The following GFRA1 variants were observed in gnomAD, a reference collection of about 807,000 sequenced individuals.
The protein encoded by GFRA1 is GDNF family receptor alpha 1.
In GFRA1, 16 loss-of-function variants were observed where a neutral mutation model predicts 51.6. The observed-to-expected ratio is 0.31, with a 90% confidence interval of 0.21 to 0.47. The LOEUF is 0.47. GFRA1 is among the 20% of genes least tolerant of loss of function. GFRA1 has a pLI of 1.00. For synonymous variants in GFRA1, 270 were observed against 241.3 expected (o/e 1.12, Z -1.10); for missense variants, 530 against 594.3 (o/e 0.89, Z 1.13).
At chr10:116,188,352 G>A (rs1962925261) in intron 5 of GFRA1, among the ~76,000 whole-genome samples, 2 of 152,300 alleles carry the variant, frequency 1.3e-5, no homozygotes, top group African/African-American at 4.8e-5. Context: ...TAGTGGAACA[G>A]GCTGGACACA....
intron 4 of GFRA1, among the ~76,000 whole-genome samples, chr10:116,243,878 C>T (rs1967623823): frequency 1.3e-5 from 2 of 152,174 alleles, no homozygotes; most frequent in South Asian, 4.1e-4. Context: ...AGTATCTCTG[C>T]TCACTGGCCT....
chr10:116,158,139 C>T (rs1019965755), intron 5 of GFRA1, among the ~76,000 whole-genome samples: 1 of 152,172 alleles, frequency 6.6e-6, no homozygotes, highest in Non-Finnish European at 1.5e-5. Context: ...CAGATCACTT[C>T]CCCTCACCAG....
intron 5 of GFRA1, among the ~76,000 whole-genome samples, chr10:116,161,539 G>A (rs564210097): frequency 2.4e-3 from 358 of 152,310 alleles, no homozygotes; most frequent in African/African-American, 8.2e-3. Flanking sequence ...ACCTTGAATT[G>A]TAATAACCCC....
intron 5 of GFRA1, among the ~76,000 whole-genome samples, chr10:116,202,547 A>G (rs2134395136): frequency 6.6e-6 from 1 of 152,258 alleles, no homozygotes; most frequent in South Asian, 2.1e-4. Flanking sequence ...TTCATAAAGA[A>G]AAGACTTTCA....
In GFRA1 at chr10:116,060,366, T is replaced by G. The variant is rs1055779503; in HGVS notation, c.*4032A>C. 2.6e-5 allele frequency: 4 copies of G among 152,226 alleles called. No individual in the cohort carries two copies. Among genetic ancestry groups the G allele is most frequent in the African/African-American group, 9.6e-5 (4 of 41,452 alleles). The allele number at this position is 152,226 out of a possible 1,614,324, so 9.4% of individuals were successfully genotyped here. The stretch of plus-strand genomic sequence containing the variant: ...TCCTTCCTCTGTCGTTCGGATATTA[T>G]CAATAGCTCTGGCTTCCTGTCTCTA... On this transcript the variant is annotated 3_prime_UTR_variant, in exon 11 of 11. Transcript: ENST00000355422.
At chr10:116,082,176 G>C (rs1195559004) in intron 9 of GFRA1, among the ~76,000 whole-genome samples, 1 of 152,140 alleles carries the variant, frequency 6.6e-6, no homozygotes, top group Non-Finnish European at 1.5e-5. Flanking sequence ...GTGGCAGCTA[G>C]TTCCACTCTG....
intron 5 of GFRA1, among the ~76,000 whole-genome samples, chr10:116,210,146 T>C (rs1173642548): frequency 1.3e-5 from 2 of 152,284 alleles, no homozygotes; most frequent in African/African-American, 4.8e-5. Context: ...AAGGCAAACT[T>C]GACAGAGGCA....
intron 4 of GFRA1, among the ~76,000 whole-genome samples, chr10:116,220,136 T>A (rs945181909): frequency 2.0e-5 from 3 of 152,168 alleles, no homozygotes; most frequent in African/African-American, 7.2e-5. Context: ...TTCACATACA[T>A]CCACAAACAC....
chr10:116,233,802 A>AT (rs1354113398), intron 4 of GFRA1, among the ~76,000 whole-genome samples: 1 of 152,202 alleles, frequency 6.6e-6, no homozygotes, highest in Non-Finnish European at 1.5e-5. Flanking sequence ...AACACACTTG[A>AT]TGTTTCCCCC....
At chr10:116,137,157 C>CGAA (rs1292427384) in intron 5 of GFRA1, among the ~76,000 whole-genome samples, 17 of 152,106 alleles carry the variant, frequency 1.1e-4, no homozygotes, top group African/African-American at 3.9e-4. Flanking sequence ...GCTACAGGTC[C>CGAA]GAATGTCACT....
chr10:116,191,884 G>T (rs146708584), intron 5 of GFRA1, among the ~76,000 whole-genome samples: 3 of 151,998 alleles, frequency 2.0e-5, no homozygotes, highest in Non-Finnish European at 1.5e-5. Flanking sequence ...AAAATTAGCC[G>T]GGCGTGGTGG....
intron 5 of GFRA1, among the ~76,000 whole-genome samples, chr10:116,135,696 C>A (rs1958293993): frequency 6.6e-6 from 1 of 152,116 alleles, no homozygotes; most frequent in African/African-American, 2.4e-5. Flanking sequence ...TAATTGAGGT[C>A]AGATTTGTTT....
intron 9 of GFRA1, among the ~76,000 whole-genome samples, chr10:116,074,751 G>A (rs1955543378): frequency 1.3e-5 from 2 of 152,210 alleles, no homozygotes; most frequent in Admixed American, 1.3e-4. Flanking sequence ...GAGGAGGGAT[G>A]CTCTTGGTTG....
chr10:116,096,010 C>T (rs530745180), intron 7 of GFRA1, among the ~76,000 whole-genome samples: 40 of 152,206 alleles, frequency 2.6e-4, no homozygotes, highest in East Asian at 5.8e-4. Context: ...CTGACTCTCA[C>T]GGCAGTCATG....
At chr10:116,129,679 T>G (rs987609507) in intron 5 of GFRA1, among the ~76,000 whole-genome samples, 7 of 152,094 alleles carry the variant, frequency 4.6e-5, no homozygotes, top group African/African-American at 1.4e-4. Flanking sequence ...AAACAACTAC[T>G]AGAAATAATA....
Position 116,206,310 on chromosome 10 carries a change from T to C in GFRA1, c.433+5321A>G, listed in dbSNP as rs529589196. Among the ~76,000 whole-genome samples the C allele has an allele frequency of 2.0e-5, 3 of 152,278 alleles. No individual in the cohort carries two copies. In the South Asian group the frequency reaches 6.2e-4, roughly 32 times the overall value. ...TCATGGCTAAGGGGTCGCAGCTTTA[T>C]AATAGATGGGTTTTCAGAAGTGGCT... On this transcript the variant is annotated intron_variant, in intron 5 of 10. Coordinates refer to ENST00000355422, the MANE Select transcript of GFRA1 (RefSeq NM_005264.8).
chr10:116,234,991 T>A (rs1303365604), intron 4 of GFRA1, among the ~76,000 whole-genome samples: 1 of 152,184 alleles, frequency 6.6e-6, no homozygotes, highest in African/African-American at 2.4e-5. Flanking sequence ...GAAGAACGTA[T>A]TTGCTTCCCC....
chr10:116,233,535 G>A (rs541039660), intron 4 of GFRA1, among the ~76,000 whole-genome samples: 2 of 152,196 alleles, frequency 1.3e-5, no homozygotes, highest in African/African-American at 2.4e-5. Flanking sequence ...CTGGATGCAA[G>A]GCCCCTTGTT....
intron 5 of GFRA1, among the ~76,000 whole-genome samples, chr10:116,179,596 G>C (rs1962008248): frequency 6.6e-6 from 1 of 152,194 alleles, no homozygotes; most frequent in Non-Finnish European, 1.5e-5. Flanking sequence ...ACAGACACCT[G>C]AGCTGGACAC....
Sources: allele counts gnomAD v4.1 joint callset (sites outside exome capture counted in the v4.1 genomes callset), GRCh38; gene constraint gnomAD v4.1.1; transcripts MANE v1.5; gene names NCBI Gene and HGNC (gene_info 2026-07-23, HGNC 2026-07-21).